The following RABGAP1L variants were observed in gnomAD, a reference collection of about 807,000 sequenced individuals.
The protein encoded by RABGAP1L is RAB GTPase activating protein 1 like.
Under a neutral mutation model 137.7 loss-of-function variants are expected in RABGAP1L, and 63 were observed. The ratio of observed to expected loss-of-function variants is 0.46; its 90% confidence interval spans 0.37 to 0.56. The LOEUF (loss-of-function observed/expected upper bound fraction) is 0.56, where lower values mean the gene tolerates loss of function less well. RABGAP1L is among the 20% of genes least tolerant of loss of function. RABGAP1L has a pLI of 0.00. For synonymous variants in RABGAP1L, 431 were observed against 433.7 expected (o/e 0.99, Z 0.08); for missense variants, 1,095 against 1,244.0 (o/e 0.88, Z 1.80).
intron 17 of RABGAP1L, among the ~76,000 whole-genome samples, chr1:174,729,452 G>C (rs562215689): frequency 6.6e-6 from 1 of 152,206 alleles, no homozygotes; most frequent in Non-Finnish European, 1.5e-5. Context: ...AAAAGCAATT[G>C]CAACAAAAAC....
intron 14 of RABGAP1L, among the ~76,000 whole-genome samples, chr1:174,665,384 C>CCTTT (rs368828201): frequency 2.6e-5 from 4 of 151,642 alleles, no homozygotes; most frequent in Non-Finnish European, 4.4e-5. Context: ...CTTTTCCTTT[C>CCTTT]CTTTCTTTCT....
At chr1:174,608,003 T>C (rs1670913877) in intron 13 of RABGAP1L, among the ~76,000 whole-genome samples, 1 of 152,178 alleles carries the variant, frequency 6.6e-6, no homozygotes, top group Non-Finnish European at 1.5e-5. Flanking sequence ...TCGTGAATCA[T>C]GGCATTGATT....
intron 13 of RABGAP1L, among the ~76,000 whole-genome samples, chr1:174,504,517 G>A (rs973404117): frequency 6.6e-6 from 1 of 151,618 alleles, no homozygotes; most frequent in Admixed American, 6.6e-5. Flanking sequence ...CATGGTACTG[G>A]CACAAAAACA....
rs185993765 is a variant in RABGAP1L at position 174,728,287 on chromosome 1, A to C, written c.2170-24026A>C. On this transcript the variant is annotated intron_variant, in intron 17 of 25. Coordinates refer to ENST00000681986, the MANE Select transcript of RABGAP1L (RefSeq NM_001366446.1). ...CAACTTCAGTAACGTTTCAGGTTAC[A>C]AAATCAATGTACAATAATCAGTAAC... 7.2e-4 allele frequency among the ~76,000 whole-genome samples: 109 copies of C among 152,270 alleles called. 1 individual carries two copies. The highest frequency in any genetic ancestry group is 2.4e-3 in the African/African-American group (101 of 41,508).
At chr1:174,476,668 T>C (rs1658542674) in intron 13 of RABGAP1L, among the ~76,000 whole-genome samples, 1 of 152,200 alleles carries the variant, frequency 6.6e-6, no homozygotes, top group Non-Finnish European at 1.5e-5. Flanking sequence ...GAGGAAGGAT[T>C]TGACAAGTTA....
rs1465470605 is a variant in RABGAP1L, at chr1:174,715,807, A to C, written c.2169+13551A>C. Among the ~76,000 whole-genome samples the C allele has an allele frequency of 2.6e-5, 4 of 152,302 alleles. No individual in the cohort carries two copies. In the East Asian group the frequency reaches 7.7e-4, roughly 29 times the overall value. On this transcript the variant is annotated intron_variant, in intron 17 of 25. Coordinates refer to ENST00000681986, the MANE Select transcript of RABGAP1L (RefSeq NM_001366446.1). ...TTCAGTCCAAGACTTGACTCTGTTG[A>C]TCTCATATCCCAGGTCCTCCTATGG...
At chr1:174,180,732 G>C (rs191598476) in intron 1 of RABGAP1L, among the ~76,000 whole-genome samples, 167 of 152,302 alleles carry the variant, frequency 1.1e-3, no homozygotes, top group Admixed American at 2.1e-3. Context: ...CTCCCAAAGT[G>C]CTAGGATTAC....
At chr1:174,481,443 C>T (rs1659076962) in intron 13 of RABGAP1L, among the ~76,000 whole-genome samples, 1 of 152,196 alleles carries the variant, frequency 6.6e-6, no homozygotes, top group Non-Finnish European at 1.5e-5. Flanking sequence ...ACCCTCTATA[C>T]TCGTCTCTGC....
intron 13 of RABGAP1L, among the ~76,000 whole-genome samples, chr1:174,563,661 A>G (rs1667372923): frequency 6.6e-6 from 1 of 152,214 alleles, no homozygotes; most frequent in South Asian, 2.1e-4. Context: ...CATAGCAATG[A>G]AGTACAAAGG....
chr1:174,651,336 T>A (rs1226129286), intron 14 of RABGAP1L, among the ~76,000 whole-genome samples: 3 of 152,192 alleles, frequency 2.0e-5, no homozygotes, highest in Admixed American at 6.5e-5. Flanking sequence ...AGAGTTCTGT[T>A]GATGTCTATT....
At chr1:174,957,980 G>A (rs1426338824) in intron 20 of RABGAP1L, 1 of 1,567,144 alleles carries the variant, frequency 6.4e-7, no homozygotes, top group Non-Finnish European at 8.6e-7. Flanking sequence ...AAAGAAAGTG[G>A]CTTTCTACTT....
At chr1:174,606,408 A>G (rs1670798969) in intron 13 of RABGAP1L, among the ~76,000 whole-genome samples, 1 of 152,212 alleles carries the variant, frequency 6.6e-6, no homozygotes, top group Non-Finnish European at 1.5e-5. Flanking sequence ...ACAATACTAG[A>G]GAAATAAATT....
At chr1:174,890,455 A>G (rs1655939712) in intron 19 of RABGAP1L, among the ~76,000 whole-genome samples, 1 of 152,222 alleles carries the variant, frequency 6.6e-6, no homozygotes, top group South Asian at 2.1e-4. Context: ...TTATTGAATA[A>G]AGGAATGGTG....
At chr1:174,864,973 TG>T (rs1366713734) in intron 19 of RABGAP1L, among the ~76,000 whole-genome samples, 8 of 151,950 alleles carry the variant, frequency 5.3e-5, no homozygotes, top group Non-Finnish European at 8.8e-5. Context: ...AAAAATTAGC[TG>T]GATGTGGTGG....
intron 18 of RABGAP1L, among the ~76,000 whole-genome samples, chr1:174,772,433 G>A (rs566875406): frequency 2.6e-5 from 4 of 151,484 alleles, no homozygotes; most frequent in East Asian, 2.0e-4. Flanking sequence ...CAAAATTAGC[G>A]GGTGTTGTGG....
At chr1:174,929,916 T>A (rs1229629479) in intron 19 of RABGAP1L, among the ~76,000 whole-genome samples, 3 of 148,252 alleles carry the variant, frequency 2.0e-5, no homozygotes, top group African/African-American at 7.4e-5. Flanking sequence ...AGTGATGCAA[T>A]CTCAGCTCAC....
intron 19 of RABGAP1L, among the ~76,000 whole-genome samples, chr1:174,953,398 CTCTG>C (rs1031759927): frequency 5.1e-4 from 77 of 152,284 alleles, no homozygotes; most frequent in African/African-American, 1.8e-3. Flanking sequence ...AATTATTGTG[CTCTG>C]TCTTTTACTG....
At chr1:174,377,375 A>G (rs1213919365) in intron 12 of RABGAP1L, among the ~76,000 whole-genome samples, 1 of 152,204 alleles carries the variant, frequency 6.6e-6, no homozygotes, top group Non-Finnish European at 1.5e-5. Flanking sequence ...TATAGGAAGC[A>G]GAGTAACTAG....
intron 19 of RABGAP1L, chr1:174,922,408 G>T: frequency 5.6e-6 from 1 of 178,586 alleles, no homozygotes; most frequent in South Asian, 1.2e-4. Flanking sequence ...AGCTCTTTTT[G>T]GCATGACCAT....
Sources: allele counts gnomAD v4.1 joint callset (sites outside exome capture counted in the v4.1 genomes callset), GRCh38; gene constraint gnomAD v4.1.1; transcripts MANE v1.5; gene names NCBI Gene and HGNC (gene_info 2026-07-23, HGNC 2026-07-21).